Variants in TCF7L2 observed in about 807,000 individuals in gnomAD.
TCF7L2 encodes the protein transcription factor 7-like 2.
In TCF7L2, 23 loss-of-function variants were observed where a neutral mutation model predicts 77.9. The ratio of observed to expected loss-of-function variants is 0.30; its 90% CI spans 0.21 to 0.42. The LOEUF is 0.42. Ranked by LOEUF, TCF7L2 falls within the 10% of genes least tolerant of loss-of-function variation. The pLI is 1.00. For synonymous variants in TCF7L2, 413 were observed against 340.2 expected (o/e 1.21, Z -2.36); for missense variants, 654 against 793.1 (o/e 0.82, Z 2.11).
intron 4 of TCF7L2, among the ~76,000 whole-genome samples, chr10:112,977,800 T>C (rs570546464): frequency 4.6e-5 from 7 of 152,234 alleles, no homozygotes; most frequent in Admixed American, 4.6e-4. Context: ...GGGAGGCAGC[T>C]GGGGTGTCGT....
chr10:113,163,653 A>G (rs929107207), intron 13 of TCF7L2, among the ~76,000 whole-genome samples: 8 of 151,624 alleles, frequency 5.3e-5, no homozygotes, highest in African/African-American at 1.9e-4. Flanking sequence ...TAGTCTATTT[A>G]CTCTCTCCCA....
At chr10:113,073,687 C>A (rs2058360913) in intron 5 of TCF7L2, among the ~76,000 whole-genome samples, 1 of 148,802 alleles carries the variant, frequency 6.7e-6, no homozygotes, top group Non-Finnish European at 1.5e-5. Flanking sequence ...GAGACCCCGT[C>A]TTTAAGAAAA....
At position 113,103,524 on chromosome 10, in the gene TCF7L2, G is replaced by A. The variant is rs188691065; in HGVS notation, c.553-37660G>A. Among the ~76,000 whole-genome samples, 74 of 152,318 alleles carry A rather than the reference G, an allele frequency of 4.9e-4. No individual in the cohort carries two copies. In the East Asian group the frequency reaches 0.01, roughly 21 times the overall value. ...AGAATGATTAACAGGGGGCTTTAAA[G>A]AGGAAAGTCTGCTTTGGAGGGTGAG... On this transcript the variant is annotated intron_variant, in intron 5 of 13. Coordinates refer to ENST00000627217, the MANE Select transcript of TCF7L2 (RefSeq NM_001146274.2).
chr10:113,157,614 A>G (rs1485784036), intron 11 of TCF7L2, among the ~76,000 whole-genome samples: 2 of 152,228 alleles, frequency 1.3e-5, no homozygotes, highest in African/African-American at 4.8e-5. Context: ...TGGTGCGGCC[A>G]TGACCACCTT....
chr10:113,064,957 A>G (rs181207622), intron 5 of TCF7L2, among the ~76,000 whole-genome samples: 1 of 152,372 alleles, frequency 6.6e-6, no homozygotes, highest in African/African-American at 2.4e-5. Context: ...GACCATTGAT[A>G]TAAATAATGC....
chr10:113,077,551 A>G (rs571550626), intron 5 of TCF7L2, among the ~76,000 whole-genome samples: 30 of 151,954 alleles, frequency 2.0e-4, no homozygotes, highest in African/African-American at 5.6e-4. Flanking sequence ...TTCTGTTTCT[A>G]TGGATTTGCC....
At chr10:113,126,749 G>A (rs2065682599) in intron 5 of TCF7L2, 2 of 985,706 alleles carry the variant, frequency 2.0e-6, no homozygotes, top group South Asian at 9.4e-5. Context: ...CGCGGCGGCG[G>A]CGCGGGCTGC....
chr10:113,020,597 G>A (rs915216003), intron 4 of TCF7L2, among the ~76,000 whole-genome samples: 5 of 152,298 alleles, frequency 3.3e-5, no homozygotes, highest in African/African-American at 1.2e-4. Flanking sequence ...TGCAGAGGCG[G>A]GGTGCATTCC....
At chr10:113,132,207 C>T (rs1181393370) in intron 5 of TCF7L2, 1 of 152,210 alleles carries the variant, frequency 6.6e-6, no homozygotes, top group Non-Finnish European at 1.5e-5. Context: ...GGCTTACCTC[C>T]TCTTTTTCTA....
At position 113,059,583 on chromosome 10, in the gene TCF7L2, C is replaced by G. The variant is rs1396301790; in HGVS notation, c.552+19457C>G. On this transcript the variant is annotated intron_variant, in intron 5 of 13. Coordinates refer to ENST00000627217, the MANE Select transcript of TCF7L2 (RefSeq NM_001146274.2). The stretch of plus-strand genomic sequence containing the variant: ...GCTCACGGTGGACTGTGTTGGTGCG[C>G]GGGTCAGGCTTTAACGTGCCTAGTG... Among the ~76,000 whole-genome samples the G allele has an allele frequency of 6.6e-5, 10 of 151,884 alleles. 1 individual carries two copies. The South Asian group carries it at 2.1e-3, about 32-fold the overall frequency.
chr10:112,982,457 T>G (rs1022240613), intron 4 of TCF7L2, among the ~76,000 whole-genome samples: 1 of 152,176 alleles, frequency 6.6e-6, no homozygotes, highest in Non-Finnish European at 1.5e-5. Context: ...CAAACTGGGA[T>G]AGCTGATCAC....
At chr10:113,143,622 T>A (rs1463097284) in intron 6 of TCF7L2, among the ~76,000 whole-genome samples, 1 of 152,200 alleles carries the variant, frequency 6.6e-6, no homozygotes, top group Non-Finnish European at 1.5e-5. Context: ...TTGATGTTGT[T>A]TCTTTTAAAC....
intron 5 of TCF7L2, among the ~76,000 whole-genome samples, chr10:113,119,171 C>T (rs1256340688): frequency 6.6e-6 from 1 of 152,204 alleles, no homozygotes; most frequent in Non-Finnish European, 1.5e-5. Context: ...CGTGTGCTCT[C>T]TTTGGAGTCA....
intron 3 of TCF7L2, 151 bp from the exon 4 acceptor site, chr10:112,964,405 A>G (rs1197382605): frequency 3.0e-6 from 2 of 660,352 alleles, no homozygotes; most frequent in Non-Finnish European, 5.4e-6. Context: ...CATCTTATCC[A>G]TAGCAACAAA....
chr10:113,052,198 GA>G (rs2054592008), intron 5 of TCF7L2, among the ~76,000 whole-genome samples: 1 of 152,160 alleles, frequency 6.6e-6, no homozygotes, highest in South Asian at 2.1e-4. Context: ...CAAGGACTCT[GA>G]GCCGAGTGCA....
At position 113,166,578 on chromosome 10, in the gene TCF7L2, G is replaced by C. The variant is rs961261746; in HGVS notation, c.*606G>C. 4.4e-6 allele frequency: 1 copy of C among 228,280 alleles called. No homozygotes were observed. Among genetic ancestry groups the C allele is most frequent in the African/African-American group, 2.2e-5 (1 of 45,038 alleles). 14.1% of individuals were successfully genotyped at this position (228,280 alleles called of 1,614,324 possible). ...TTCCATGGTGTTGTTCTTTTGGGGG[G>C]AGGGGACGCTACTCAACACTTAATA... is the stretch of plus-strand genomic sequence containing the variant. On this transcript the variant is annotated 3_prime_UTR_variant, in exon 14 of 14. Coordinates refer to ENST00000627217, the MANE Select transcript of TCF7L2 (RefSeq NM_001146274.2).
chr10:113,014,957 G>GCTCC (rs1180396210), intron 4 of TCF7L2, among the ~76,000 whole-genome samples: 1 of 152,178 alleles, frequency 6.6e-6, no homozygotes, highest in East Asian at 1.9e-4. Flanking sequence ...GGAGGCCGAG[G>GCTCC]CAGGTGGTCA....
chr10:113,100,589 C>A (rs2061523980), intron 5 of TCF7L2, among the ~76,000 whole-genome samples: 1 of 152,112 alleles, frequency 6.6e-6, no homozygotes, highest in Non-Finnish European at 1.5e-5. Context: ...TCTCATCCTC[C>A]CCGCTGAAAA....
chr10:113,167,360 A>C lies in TCF7L2; in HGVS notation c.*1388A>C, dbSNP rs2074083317. 1 of 226,872 alleles carries C rather than the reference A, an allele frequency of 4.4e-6. No homozygotes were observed. Among genetic ancestry groups the C allele is most frequent in the East Asian group, 6.4e-5 (1 of 15,634 alleles). 14.1% of individuals were successfully genotyped at this position (226,872 alleles called of 1,614,324 possible). On this transcript the variant is annotated 3_prime_UTR_variant, in exon 14 of 14. Coordinates refer to ENST00000627217, the MANE Select transcript of TCF7L2 (RefSeq NM_001146274.2). ...GCAGCAGACTTTAAAAATAAAAAAA[A>C]CCTAGGCATGTTGATGTTGCAAAAT...
Sources: gnomAD v4.1 joint callset for allele counts (sites outside exome capture counted in the v4.1 genomes callset) on GRCh38, gnomAD v4.1.1 for gene constraint, MANE v1.5 for transcripts, NCBI Gene and HGNC (gene_info 2026-07-23, HGNC 2026-07-21) for gene names.